SLC15A1: variants seen among roughly 807,000 people sequenced by gnomAD.
SLC15A1 encodes the protein solute carrier family 15 member 1.
Under a neutral mutation model 92.9 loss-of-function variants are expected in SLC15A1, and 83 were observed. That is an observed-to-expected ratio of 0.89 (90% CI 0.75 to 1.07). SLC15A1 has a LOEUF of 1.07. Among genes scored for constraint, SLC15A1 ranks in the 50% least tolerant of loss-of-function variants. The pLI, the probability that SLC15A1 is intolerant of heterozygous loss-of-function variation, is 0.00. For synonymous variants in SLC15A1, 322 were observed against 318.2 expected, an observed-to-expected ratio of 1.01 and a Z score of -0.13; for missense variants, 857 against 880.1, an observed-to-expected ratio of 0.97 and a Z score of 0.33.
chr13:98,708,804 T>C, intron 14 of SLC15A1, 37 bp from the exon 15 acceptor site: 2 of 1,532,742 alleles, frequency 1.3e-6, no homozygotes, highest in Non-Finnish European at 1.8e-6. Flanking sequence ...TCAACCAGTT[T>C]CACATAGATG....
intron 5 of SLC15A1, 66 bp from the exon 6 acceptor site, chr13:98,721,969 C>A: frequency 7.2e-7 from 1 of 1,382,014 alleles, no homozygotes. Context: ...TCTCTTTTCC[C>A]CAGTTTCCCT....
intron 9 of SLC15A1, among the ~76,000 whole-genome samples, chr13:98,715,626 T>C (rs1294957684): frequency 6.6e-6 from 1 of 152,212 alleles, no homozygotes; most frequent in Non-Finnish European, 1.5e-5. Context: ...TTTCGACAGA[T>C]GAAGAGTCAC....
intron 1 of SLC15A1, 144 bp from the exon 2 acceptor site, chr13:98,727,003 C>A: frequency 1.4e-6 from 1 of 725,540 alleles, no homozygotes; most frequent in Non-Finnish European, 2.4e-6. Flanking sequence ...ATCCCGGCCC[C>A]AGACTCATGC....
In SLC15A1 at chr13:98,684,690, G is replaced by T; in HGVS notation, c.*34C>A. 6.3e-7 allele frequency: 1 copy of T among 1,591,634 alleles called. No individual in the cohort carries two copies. Among genetic ancestry groups the T allele is most frequent in the Non-Finnish European group, 8.6e-7 (1 of 1,161,814 alleles). Reference sequence around the variant, plus strand: ...TGGGGGCAGAGGTCAGGGCATCTGCGGGCCCAGTCCATCCTCCACTTGCCT... The same window carrying T: ...TGGGGGCAGAGGTCAGGGCATCTGCTGGCCCAGTCCATCCTCCACTTGCCT... On this transcript the variant is annotated 3_prime_UTR_variant, in exon 23 of 23. Coordinates refer to ENST00000376503, the MANE Select transcript of SLC15A1 (RefSeq NM_005073.4).
At chr13:98,705,958 A>ACAACATAG (rs1465465278) in intron 16 of SLC15A1, among the ~76,000 whole-genome samples, 176 bp downstream of exon 16, 1 of 152,142 alleles carries the variant, frequency 6.6e-6, no homozygotes, top group East Asian at 1.9e-4. Flanking sequence ...TACACAACAA[A>ACAACATAG]CAACATAGTG....
At chr13:98,722,741 C>T (rs927972742) in intron 5 of SLC15A1, among the ~76,000 whole-genome samples, 3 of 152,168 alleles carry the variant, frequency 2.0e-5, no homozygotes, top group African/African-American at 7.2e-5. Context: ...TTAATCTTGT[C>T]TGCCTCTTAA....
intron 17 of SLC15A1, 82 bp downstream of exon 17, chr13:98,704,207 T>G: frequency 7.2e-7 from 1 of 1,383,106 alleles, no homozygotes; most frequent in Non-Finnish European, 9.7e-7. Context: ...TATATGGGAG[T>G]AAAACAAAGT....
chr13:98,722,067 C>T (rs532466734), intron 5 of SLC15A1, among the ~76,000 whole-genome samples, 164 bp from the exon 6 acceptor site: 6 of 152,330 alleles, frequency 3.9e-5, no homozygotes, highest in African/African-American at 1.4e-4. Flanking sequence ...TAGTCAAATG[C>T]AAACTTGAAC....
In SLC15A1 at chr13:98,688,540, T is replaced by C; in HGVS notation, c.1504A>G (p.Met502Val). ...NTFNELITIT[M>V]SGKVYANISS... ...ATGTTTGCATAAACTTTCCCACTCATTGTGATGGTGATGAGCTCGTTAAAA... is the reference window on the plus strand; with the variant it reads ...ATGTTTGCATAAACTTTCCCACTCACTGTGATGGTGATGAGCTCGTTAAAA... Residue 502 changes from methionine (M) to valine (V), a missense_variant, in exon 19 of 23, where the codon ATG becomes GTG. Transcript: ENST00000376503. 1 of 1,614,048 alleles carries C rather than the reference T, an allele frequency of 6.2e-7. No homozygotes were observed. Among genetic ancestry groups the C allele is most frequent in the Non-Finnish European group, 8.5e-7 (1 of 1,179,960 alleles).
chr13:98,705,152 T>A (rs1337828890), intron 16 of SLC15A1, among the ~76,000 whole-genome samples: 1 of 140,846 alleles, frequency 7.1e-6, no homozygotes, highest in African/African-American at 2.7e-5. Context: ...TGAGCCAAGA[T>A]AGCGCCACTG....
chr13:98,739,928 G>T (rs202235944), intron 1 of SLC15A1, among the ~76,000 whole-genome samples: 10 of 151,794 alleles, frequency 6.6e-5, no homozygotes, highest in African/African-American at 2.4e-4. Context: ...AATACGACAA[G>T]AATTTACCAT....
intron 8 of SLC15A1, among the ~76,000 whole-genome samples, chr13:98,716,717 G>A (rs923755555): frequency 2.0e-5 from 3 of 152,122 alleles, no homozygotes; most frequent in Non-Finnish European, 4.4e-5. Context: ...CAGGAAAAAA[G>A]AATTAATCTT....
At chr13:98,735,697 A>G (rs1288022917) in intron 1 of SLC15A1, among the ~76,000 whole-genome samples, 2 of 152,198 alleles carry the variant, frequency 1.3e-5, no homozygotes, top group Admixed American at 6.5e-5. Context: ...TACACCAATA[A>G]CAGACAAACA....
In SLC15A1 at chr13:98,729,095, G is replaced by A. The variant is rs748892119; in HGVS notation, c.5-2236C>T. Among the ~76,000 whole-genome samples, 94 of 150,700 alleles carry A rather than the reference G, an allele frequency of 6.2e-4. 1 individual carries two copies. The highest frequency in any genetic ancestry group is 2.0e-3 in the African/African-American group (83 of 40,988). ...AGAAATGATCAAGGTTTGAGGTGAC[G>A]GATATTCCAAATACCCAGATTTGAT... is the stretch of plus-strand genomic sequence containing the variant. On this transcript the variant is annotated intron_variant, in intron 1 of 22. Coordinates refer to ENST00000376503, the MANE Select transcript of SLC15A1 (RefSeq NM_005073.4).
intron 18 of SLC15A1, among the ~76,000 whole-genome samples, chr13:98,699,082 A>G (rs2088046021): frequency 6.6e-6 from 1 of 152,140 alleles, no homozygotes; most frequent in Non-Finnish European, 1.5e-5. Context: ...AAATTGTGCT[A>G]CCCCATAGTC....
chr13:98,745,101 G>A (rs137858957), intron 1 of SLC15A1, among the ~76,000 whole-genome samples: 8 of 152,250 alleles, frequency 5.3e-5, no homozygotes, highest in East Asian at 3.9e-4. Flanking sequence ...TGGGAACGTC[G>A]TTTTTAGAAC....
intron 1 of SLC15A1, among the ~76,000 whole-genome samples, chr13:98,728,855 C>G (rs536407409): frequency 6.6e-6 from 1 of 151,446 alleles, no homozygotes; most frequent in Non-Finnish European, 1.5e-5. Context: ...GTGGCACACG[C>G]CTGTAATCCC....
chr13:98,746,944 G>A (rs966191913), intron 1 of SLC15A1, among the ~76,000 whole-genome samples: 12 of 152,110 alleles, frequency 7.9e-5, no homozygotes, highest in Non-Finnish European at 1.5e-4. Flanking sequence ...ACTTCCCAAC[G>A]GCTGAGCCTG....
chr13:98,750,475 A>C (rs2088535368), intron 1 of SLC15A1, among the ~76,000 whole-genome samples: 1 of 152,164 alleles, frequency 6.6e-6, no homozygotes, highest in African/African-American at 2.4e-5. Context: ...TACTAAGTCT[A>C]ATAAATGCCT....
Sources: gnomAD v4.1 joint callset for allele counts (sites outside exome capture counted in the v4.1 genomes callset) on GRCh38, gnomAD v4.1.1 for gene constraint, MANE v1.5 for transcripts, NCBI Gene and HGNC (gene_info 2026-07-23, HGNC 2026-07-21) for gene names.